TMEM135: variants seen among roughly 807,000 people sequenced by gnomAD.
TMEM135 encodes transmembrane protein 135, also known as peroxisomal membrane protein 52.
In TMEM135, 30 loss-of-function variants were observed where a neutral mutation model predicts 60.3. That is an observed-to-expected ratio of 0.50 (90% confidence interval 0.37 to 0.68). TMEM135 has a LOEUF of 0.68. TMEM135 is among the 30% of genes least tolerant of loss of function. The pLI is 0.00. For missense variants in TMEM135, 468 were observed against 548.8 expected, an observed-to-expected ratio of 0.85 and a Z score of 1.47; for synonymous variants, 190 against 186.7, an observed-to-expected ratio of 1.02 and a Z score of -0.14.
chr11:87,177,552 A>T (rs1939408801), intron 5 of TMEM135, among the ~76,000 whole-genome samples: 1 of 152,206 alleles, frequency 6.6e-6, no homozygotes, highest in Non-Finnish European at 1.5e-5. Flanking sequence ...AAATATATTT[A>T]TGGAGTTATA....
chr11:87,154,060 C>T (rs918276615), intron 4 of TMEM135, among the ~76,000 whole-genome samples: 1 of 152,132 alleles, frequency 6.6e-6, no homozygotes, highest in Non-Finnish European at 1.5e-5. Flanking sequence ...CATTGTTGTG[C>T]GTTCACTACT....
intron 5 of TMEM135, among the ~76,000 whole-genome samples, chr11:87,206,800 G>A (rs1014684955): frequency 1.2e-4 from 18 of 152,074 alleles, no homozygotes; most frequent in African/African-American, 4.3e-4. Context: ...TCATAGTCTT[G>A]TGCATACATT....
At position 87,259,408 on chromosome 11, in the gene TMEM135, G is replaced by A. The variant is rs998943432; in HGVS notation, c.509+22724G>A. The A allele has an allele frequency of 8.1e-5, 19 of 235,816 alleles. No individual in the cohort carries two copies. In the East Asian group the frequency reaches 8.5e-4, roughly 10 times the overall value. 14.6% of individuals were successfully genotyped at this position (235,816 alleles called of 1,614,324 possible). A position where few individuals can be genotyped will look rare whatever the true frequency, so the allele number is the denominator to read the frequency against. On this transcript the variant is annotated intron_variant, in intron 6 of 14. Transcript: ENST00000305494. The stretch of plus-strand genomic sequence containing the variant: ...TGTGTATATGTGTATGTGTGTACGC[G>A]TGTAGAGCGGGAATACACACACACA...
intron 12 of TMEM135, among the ~76,000 whole-genome samples, chr11:87,316,431 G>A (rs1590867768): frequency 6.6e-6 from 1 of 151,958 alleles, no homozygotes; most frequent in Non-Finnish European, 1.5e-5. Flanking sequence ...CAGTGCACTG[G>A]AAACCACTGA....
intron 5 of TMEM135, chr11:87,178,446 G>T (rs899496265): frequency 1.3e-5 from 6 of 455,812 alleles, no homozygotes; most frequent in Admixed American, 4.7e-5. Context: ...AATGCGTTTT[G>T]TTTTTTTGAG....
chr11:87,323,453 T>C lies in TMEM135; in HGVS notation c.*2120T>C, dbSNP rs1243303671. On this transcript the variant is annotated 3_prime_UTR_variant, in exon 15 of 15. Transcript: ENST00000305494. Reference sequence around the variant, plus strand: ...AAGACAATCAGAATGATTACCTTTCTACCTCTAACTAATCAGGTATTGATT... The same window carrying C: ...AAGACAATCAGAATGATTACCTTTCCACCTCTAACTAATCAGGTATTGATT... The C allele has an allele frequency of 2.2e-6, 1 of 454,034 alleles. No homozygotes were observed. Among genetic ancestry groups the C allele is most frequent in the Non-Finnish European group, 4.4e-6 (1 of 226,742 alleles). The allele number at this position is 454,034 out of a possible 1,614,324, so 28.1% of individuals were successfully genotyped here.
chr11:87,054,030 C>A (rs910055654), intron 1 of TMEM135, among the ~76,000 whole-genome samples: 2 of 152,174 alleles, frequency 1.3e-5, no homozygotes, highest in African/African-American at 4.8e-5. Flanking sequence ...GTGAATTGTT[C>A]TTACATATCA....
intron 5 of TMEM135, among the ~76,000 whole-genome samples, chr11:87,220,585 C>T (rs574269269): frequency 1.3e-5 from 2 of 152,194 alleles, no homozygotes; most frequent in Non-Finnish European, 2.9e-5. Flanking sequence ...TTGTTCATCT[C>T]ATTTCTAACT....
chr11:87,243,708 C>T (rs1259007542), intron 6 of TMEM135, among the ~76,000 whole-genome samples: 1 of 87,390 alleles, frequency 1.1e-5, no homozygotes, highest in African/African-American at 4.3e-5. Flanking sequence ...GATTTTGTAT[C>T]CTGAGACTTT....
At chr11:87,108,455 C>T (rs760772778) in intron 4 of TMEM135, among the ~76,000 whole-genome samples, 15 of 152,000 alleles carry the variant, frequency 9.9e-5, no homozygotes, top group Non-Finnish European at 2.1e-4. Context: ...TTTTTCTTCT[C>T]TCTTAGACTA....
intron 4 of TMEM135, among the ~76,000 whole-genome samples, chr11:87,135,690 TTC>T (rs1471568986): frequency 1.3e-5 from 2 of 151,700 alleles, no homozygotes; most frequent in Non-Finnish European, 2.9e-5. Context: ...TCCAATTATA[TTC>T]TCTTTAAGTA....
chr11:87,235,579 T>G (rs1235392571), intron 5 of TMEM135, among the ~76,000 whole-genome samples: 1 of 151,948 alleles, frequency 6.6e-6, no homozygotes, highest in Non-Finnish European at 1.5e-5. Flanking sequence ...TTTTTTGCAG[T>G]GTTTTCATTT....
chr11:87,273,211 G>A (rs908158790), intron 6 of TMEM135, among the ~76,000 whole-genome samples: 2 of 152,060 alleles, frequency 1.3e-5, no homozygotes, highest in Non-Finnish European at 2.9e-5. Flanking sequence ...TTTTTTATTA[G>A]CTGAGCAATT....
At chr11:87,263,098 G>A (rs1421107184) in intron 6 of TMEM135, among the ~76,000 whole-genome samples, 1 of 152,138 alleles carries the variant, frequency 6.6e-6, no homozygotes, top group Admixed American at 6.6e-5. Flanking sequence ...CACATTTGGG[G>A]ACAAATACAG....
intron 7 of TMEM135, among the ~76,000 whole-genome samples, chr11:87,297,488 G>C (rs566866844): frequency 1.1e-4 from 17 of 152,118 alleles, no homozygotes; most frequent in Non-Finnish European, 2.2e-4. Context: ...TGTTGCATTG[G>C]CTAGAAAGCA....
At chr11:87,259,912 G>A (rs1374631208) in intron 6 of TMEM135, among the ~76,000 whole-genome samples, 2 of 152,122 alleles carry the variant, frequency 1.3e-5, no homozygotes, top group Admixed American at 6.6e-5. Context: ...CTTTGTACTG[G>A]TAGGGCCTTG....
intron 5 of TMEM135, among the ~76,000 whole-genome samples, chr11:87,235,818 T>C (rs536295700): frequency 7.2e-5 from 11 of 152,092 alleles, no homozygotes; most frequent in African/African-American, 2.4e-4. Context: ...CAACATACCA[T>C]CTTAATATGT....
At chr11:87,252,977 G>C (rs1448198378) in intron 6 of TMEM135, among the ~76,000 whole-genome samples, 1 of 152,022 alleles carries the variant, frequency 6.6e-6, no homozygotes, top group African/African-American at 2.4e-5. Flanking sequence ...TATTGAGATT[G>C]TTAGGAGTGT....
At chr11:87,056,497 T>G (rs1375771972) in intron 1 of TMEM135, among the ~76,000 whole-genome samples, 1 of 152,214 alleles carries the variant, frequency 6.6e-6, no homozygotes, top group Non-Finnish European at 1.5e-5. Context: ...CTGGTTCAGG[T>G]AGGTGGTTAG....
Sources: gnomAD v4.1 joint callset for allele counts (sites outside exome capture counted in the v4.1 genomes callset) on GRCh38, gnomAD v4.1.1 for gene constraint, MANE v1.5 for transcripts, NCBI Gene and HGNC (gene_info 2026-07-23, HGNC 2026-07-21) for gene names.